CSMD3: variants seen among roughly 807,000 people sequenced by gnomAD.
CSMD3 encodes the protein CUB and Sushi multiple domains 3, also known as CUB and sushi domain-containing protein 3.
CSMD3 carries 177 observed loss-of-function variants against 435.2 expected under a neutral mutation model. The ratio of observed to expected loss-of-function variants is 0.41; its 90% CI spans 0.36 to 0.46. The LOEUF (loss-of-function observed/expected upper bound fraction) is 0.46. Among genes scored for constraint, CSMD3 ranks in the 20% least tolerant of loss-of-function variants. CSMD3 has a pLI of 0.34. For missense variants in CSMD3, 4,265 were observed against 4,504.6 expected, an observed-to-expected ratio of 0.95 and a Z score of 1.52; for synonymous variants, 1,656 against 1,520.5, an observed-to-expected ratio of 1.09 and a Z score of -2.07.
intron 10 of CSMD3, among the ~76,000 whole-genome samples, chr8:112,879,042 G>A (rs756814291): frequency 1.3e-5 from 2 of 152,112 alleles, no homozygotes; most frequent in Admixed American, 1.3e-4. Flanking sequence ...AGAAGAACAG[G>A]ATAACAGTGA....
At chr8:112,918,904 A>G (rs979390599) in intron 10 of CSMD3, among the ~76,000 whole-genome samples, 1 of 151,886 alleles carries the variant, frequency 6.6e-6, no homozygotes, top group African/African-American at 2.4e-5. Flanking sequence ...TGTTGTCTGG[A>G]AAAAGCATAT....
intron 25 of CSMD3, among the ~76,000 whole-genome samples, chr8:112,555,249 T>C (rs992895850): frequency 3.9e-5 from 6 of 152,016 alleles, no homozygotes; most frequent in African/African-American, 1.2e-4. Context: ...CTTCCATTTG[T>C]ATAAAACCTT....
chr8:112,546,199 T>C (rs16883795), intron 27 of CSMD3, among the ~76,000 whole-genome samples: 2,332 of 152,256 alleles, frequency 0.015, 66 homozygotes, highest in African/African-American at 0.053. Flanking sequence ...GGTTGGGACA[T>C]ATTCTGGAGG....
At chr8:112,296,990 GA>G (rs1186918320) in intron 53 of CSMD3, among the ~76,000 whole-genome samples, 2 of 150,752 alleles carry the variant, frequency 1.3e-5, no homozygotes, top group East Asian at 1.9e-4. Context: ...CAGAAGAAAA[GA>G]AAAAAAATTC....
intron 5 of CSMD3, among the ~76,000 whole-genome samples, chr8:113,069,892 G>C (rs1588009724): frequency 6.6e-6 from 1 of 152,168 alleles, no homozygotes; most frequent in South Asian, 2.1e-4. Context: ...AATAGCAACA[G>C]TCTAGGTGCC....
At chr8:113,068,155 C>T (rs1193123320) in intron 5 of CSMD3, among the ~76,000 whole-genome samples, 9 of 152,198 alleles carry the variant, frequency 5.9e-5, no homozygotes, top group African/African-American at 2.2e-4. Flanking sequence ...TTAATAATTT[C>T]ATGTGCATTT....
chr8:112,235,956 CTT>C (rs1813550481), intron 67 of CSMD3, among the ~76,000 whole-genome samples: 1 of 151,680 alleles, frequency 6.6e-6, no homozygotes, highest in Admixed American at 6.6e-5. Context: ...TAAAGAAAAA[CTT>C]TGTTAACACA....
intron 22 of CSMD3, among the ~76,000 whole-genome samples, chr8:112,605,658 G>GA (rs56000297): frequency 7.3e-5 from 11 of 149,696 alleles, no homozygotes; most frequent in East Asian, 4.1e-4. Flanking sequence ...GGGCAAGGAT[G>GA]AAAAAAAAAA....
At chr8:112,971,665 A>C (rs2130912761) in intron 7 of CSMD3, among the ~76,000 whole-genome samples, 1 of 152,298 alleles carries the variant, frequency 6.6e-6, no homozygotes, top group Non-Finnish European at 1.5e-5. Flanking sequence ...CAAAAATATT[A>C]AGTTCTCATT....
At position 112,335,464 on chromosome 8, in the gene CSMD3, CT is replaced by C; in HGVS notation, c.7029del (p.Asp2344ThrfsTer27). On this transcript the variant is annotated frameshift_variant, in exon 45 of 71. Transcript: ENST00000297405. LOFTEE classifies it high-confidence loss of function. ...IYDFITVWDG[P>X]DQNSPQIGQF... ...TGACCGATCTGAGGTGAATTTTGGT[CT>C]GGTCCATCCCTATGAGACAAGGATT... is the stretch of plus-strand genomic sequence containing the variant. 1 of 1,613,920 alleles carries C rather than the reference CT, an allele frequency of 6.2e-7. No homozygotes were observed. The highest frequency in any genetic ancestry group is 8.5e-7 in the Non-Finnish European group (1 of 1,179,912).
intron 16 of CSMD3, among the ~76,000 whole-genome samples, chr8:112,673,848 G>T (rs927690077): frequency 1.3e-5 from 2 of 152,094 alleles, no homozygotes; most frequent in Non-Finnish European, 2.9e-5. Context: ...CCACAGCTAT[G>T]CAGGGAGTTC....
intron 32 of CSMD3, among the ~76,000 whole-genome samples, chr8:112,431,395 AT>A (rs1403565969): frequency 1.3e-5 from 2 of 152,120 alleles, no homozygotes; most frequent in African/African-American, 2.4e-5. Flanking sequence ...AAAATAGGTG[AT>A]TTTTTTAAGA....
At chr8:112,304,155 A>G (rs1316062992) in intron 52 of CSMD3, among the ~76,000 whole-genome samples, 1 of 152,174 alleles carries the variant, frequency 6.6e-6, no homozygotes, top group East Asian at 1.9e-4. Flanking sequence ...TGGTATTTCA[A>G]TTGTGTCATA....
intron 1 of CSMD3, among the ~76,000 whole-genome samples, chr8:113,409,079 C>CTTTTTTTTTTTTTTTTTTTTTTT (rs1218107775): frequency 2.0e-5 from 2 of 99,068 alleles, no homozygotes; most frequent in Non-Finnish European, 3.9e-5. Context: ...TCTTCTTCTT[C>CTTTTTTTTTTTTTTTTTTTTTTT]TTTTTTTTTT....
At chr8:113,269,341 T>C (rs2093499335) in intron 3 of CSMD3, among the ~76,000 whole-genome samples, 1 of 152,154 alleles carries the variant, frequency 6.6e-6, no homozygotes, top group Non-Finnish European at 1.5e-5. Context: ...TATTCCATGC[T>C]CATGGATAGG....
chr8:113,097,341 A>C (rs1244486998), intron 5 of CSMD3, among the ~76,000 whole-genome samples: 1 of 152,056 alleles, frequency 6.6e-6, no homozygotes, highest in East Asian at 1.9e-4. Context: ...CATTGTTCTA[A>C]GTGCTTCTGT....
intron 24 of CSMD3, among the ~76,000 whole-genome samples, chr8:112,562,386 T>A (rs6992791): frequency 0.28 from 42,865 of 151,388 alleles, 6,486 homozygotes; most frequent in African/African-American, 0.39. Flanking sequence ...TTTATTTTTT[T>A]AATTCAGTTA....
intron 6 of CSMD3, among the ~76,000 whole-genome samples, chr8:112,991,838 A>T (rs2131020787): frequency 6.6e-6 from 1 of 152,044 alleles, no homozygotes; most frequent in Middle Eastern, 3.4e-3. Context: ...GTGACTACAT[A>T]GGTACTTTCG....
At chr8:112,953,446 C>CA (rs1457408373) in intron 8 of CSMD3, among the ~76,000 whole-genome samples, 1 of 151,288 alleles carries the variant, frequency 6.6e-6, no homozygotes, top group African/African-American at 2.4e-5. Context: ...TTTTAGCCCC[C>CA]AAAATACATG....
Sources: allele counts gnomAD v4.1 joint callset (sites outside exome capture counted in the v4.1 genomes callset), GRCh38; gene constraint gnomAD v4.1.1; transcripts MANE v1.5; gene names NCBI Gene and HGNC (gene_info 2026-07-23, HGNC 2026-07-21).